The following MB21D2 variants were observed in gnomAD, a reference collection of about 807,000 sequenced individuals.
MB21D2 encodes Mab-21 domain containing 2, also known as nucleotidyltransferase MB21D2.
In MB21D2, 9 loss-of-function variants were observed where a neutral mutation model predicts 33.3. That is an observed-to-expected ratio of 0.27 (90% CI 0.16 to 0.47). MB21D2 has a LOEUF of 0.47. MB21D2 is among the 20% of genes least tolerant of loss of function. The pLI is 0.99. For missense variants in MB21D2, 540 were observed against 624.6 expected (o/e 0.86, Z 1.44); for synonymous variants, 241 against 236.3 (o/e 1.02, Z -0.18).
rs377569367 is a variant in MB21D2 at position 192,799,446 on chromosome 3, C to A, written c.416G>T (p.Arg139Leu). ...DRNQPVTLDM[R>L]HSALCHSWLS... ...CCAAGAGTGGCACAAGGCTGAGTGG[C>A]GCATGTCGAGTGTCACAGGCTGATT... Residue 139 changes from arginine (R) to leucine (L), a missense_variant, in exon 2 of 2, where the codon CGC becomes CTC. Coordinates refer to ENST00000392452, the MANE Select transcript of MB21D2 (RefSeq NM_178496.4). The surrounding 1 kb of genome is among the most constrained non-coding windows in gnomAD (Gnocchi z 4.1). The A allele has an allele frequency of 6.2e-7, 1 of 1,614,182 alleles. No individual in the cohort carries two copies. The highest frequency in any genetic ancestry group is 8.5e-7 in the Non-Finnish European group (1 of 1,180,034).
At chr3:192,840,151 C>A (rs898122021) in intron 1 of MB21D2, among the ~76,000 whole-genome samples, 1 of 152,108 alleles carries the variant, frequency 6.6e-6, no homozygotes, top group African/African-American at 2.4e-5. Context: ...AGTCTAATGT[C>A]CCCTGCAGAT....
chr3:192,825,196 C>T (rs1577174066), intron 1 of MB21D2, among the ~76,000 whole-genome samples: 1 of 152,158 alleles, frequency 6.6e-6, no homozygotes, highest in Non-Finnish European at 1.5e-5. Context: ...GGCTGGGGTG[C>T]GGTGGTGCTA....
intron 1 of MB21D2, among the ~76,000 whole-genome samples, chr3:192,827,792 T>G (rs189593918): frequency 2.8e-4 from 43 of 152,260 alleles, no homozygotes; most frequent in Middle Eastern, 6.8e-3. Context: ...ACCATAAAAG[T>G]TGAATGACAT....
At chr3:192,893,592 A>C (rs1713901151) in intron 1 of MB21D2, among the ~76,000 whole-genome samples, 1 of 152,224 alleles carries the variant, frequency 6.6e-6, no homozygotes, top group African/African-American at 2.4e-5. Flanking sequence ...AACATCTGGG[A>C]AACATCCTTA....
At chr3:192,805,009 C>G (rs1711633178) in intron 1 of MB21D2, among the ~76,000 whole-genome samples, 1 of 152,136 alleles carries the variant, frequency 6.6e-6, no homozygotes, top group South Asian at 2.1e-4. Context: ...AAACTGGTTC[C>G]AAGAGGAGAA....
At chr3:192,814,600 C>A (rs533809471) in intron 1 of MB21D2, among the ~76,000 whole-genome samples, 1 of 152,106 alleles carries the variant, frequency 6.6e-6, no homozygotes, top group Non-Finnish European at 1.5e-5. Flanking sequence ...CGGTGGCTCA[C>A]ACCTGTAATC....
At chr3:192,812,786 G>GT (rs1257307578) in intron 1 of MB21D2, among the ~76,000 whole-genome samples, 4 of 152,172 alleles carry the variant, frequency 2.6e-5, no homozygotes, top group Non-Finnish European at 4.4e-5. Flanking sequence ...CAGGAGAAAA[G>GT]TTACTATATA....
chr3:192,866,627 C>G (rs925090913), intron 1 of MB21D2, among the ~76,000 whole-genome samples: 4 of 152,160 alleles, frequency 2.6e-5, no homozygotes, highest in Non-Finnish European at 5.9e-5. Context: ...TTTATTCTTT[C>G]TCAGGTCCCT....
chr3:192,845,192 C>T (rs1396981722), intron 1 of MB21D2, among the ~76,000 whole-genome samples: 1 of 152,208 alleles, frequency 6.6e-6, no homozygotes, highest in Non-Finnish European at 1.5e-5. Context: ...GGGTGACTGG[C>T]ACATGTTCCT....
chr3:192,810,076 C>T (rs1255397459), intron 1 of MB21D2, among the ~76,000 whole-genome samples: 1 of 152,196 alleles, frequency 6.6e-6, no homozygotes, highest in Non-Finnish European at 1.5e-5. Context: ...CAAAAACATA[C>T]TAACCACAAG....
At chr3:192,832,074 G>T (rs1337897680) in intron 1 of MB21D2, among the ~76,000 whole-genome samples, 21 of 152,210 alleles carry the variant, frequency 1.4e-4, no homozygotes, top group Admixed American at 1.4e-3. Context: ...CCTTAAACCT[G>T]TTTGAGCATA....
intron 1 of MB21D2, among the ~76,000 whole-genome samples, chr3:192,807,483 C>T (rs191268920): frequency 2.0e-4 from 30 of 152,238 alleles, no homozygotes; most frequent in Admixed American, 5.2e-4. Context: ...TGAATGAAGT[C>T]AACTGTACCC....
intron 1 of MB21D2, among the ~76,000 whole-genome samples, chr3:192,845,243 A>G (rs1712655241): frequency 6.6e-6 from 1 of 152,204 alleles, no homozygotes; most frequent in Non-Finnish European, 1.5e-5. Flanking sequence ...CTTTCCCTTT[A>G]TAATTAAGAG....
At chr3:192,891,341 A>C (rs1405681049) in intron 1 of MB21D2, among the ~76,000 whole-genome samples, 1 of 152,206 alleles carries the variant, frequency 6.6e-6, no homozygotes, top group African/African-American at 2.4e-5. Context: ...GATTAGAATA[A>C]TTAATGTAAT....
chr3:192,900,055 C>T (rs1418225576), intron 1 of MB21D2, among the ~76,000 whole-genome samples: 1 of 151,834 alleles, frequency 6.6e-6, no homozygotes, highest in African/African-American at 2.4e-5. Flanking sequence ...GAGGCTGAGG[C>T]GGGCGGATCA....
At chr3:192,809,920 ACT>A (rs574285753) in intron 1 of MB21D2, among the ~76,000 whole-genome samples, 2 of 152,080 alleles carry the variant, frequency 1.3e-5, no homozygotes, top group Non-Finnish European at 2.9e-5. Context: ...CCCAGAACAA[ACT>A]CTGAAAATAT....
At chr3:192,877,164 C>T (rs1228732902) in intron 1 of MB21D2, among the ~76,000 whole-genome samples, 1 of 152,108 alleles carries the variant, frequency 6.6e-6, no homozygotes, top group Non-Finnish European at 1.5e-5. Flanking sequence ...TGAAGGATTC[C>T]ACAGAAACCT....
chr3:192,886,420 C>G lies in MB21D2; in HGVS notation c.211+31210G>C, dbSNP rs193065701. Among the ~76,000 whole-genome samples, 201 of 152,202 alleles carry G rather than the reference C, an allele frequency of 1.3e-3. 3 individuals carry two copies. The South Asian group carries it at 0.018, about 14-fold the overall frequency. ...ATTTCCCTTGTAGTATTTCCAAACACACAACAGAATTAATACCACGAGTAC... is the reference window on the plus strand; with the variant it reads ...ATTTCCCTTGTAGTATTTCCAAACAGACAACAGAATTAATACCACGAGTAC... On this transcript the variant is annotated intron_variant, in intron 1 of 1. Coordinates refer to ENST00000392452, the MANE Select transcript of MB21D2 (RefSeq NM_178496.4).
chr3:192,827,324 G>A (rs4686614), intron 1 of MB21D2, among the ~76,000 whole-genome samples: 56,425 of 151,998 alleles, frequency 0.37, 11,197 homozygotes, highest in East Asian at 0.61. Context: ...ATCCACAGTC[G>A]TTTATTGAAA....
Sources: gnomAD v4.1 joint callset for allele counts (sites outside exome capture counted in the v4.1 genomes callset) on GRCh38, gnomAD v4.1.1 for gene constraint, Gnocchi (gnomAD v3.1) non-coding constraint, MANE v1.5 for transcripts, NCBI Gene and HGNC (gene_info 2026-07-23, HGNC 2026-07-21) for gene names.